STK32A: variants seen among roughly 807,000 people sequenced by gnomAD.
STK32A encodes the protein serine/threonine kinase 32A.
STK32A carries 41 observed loss-of-function variants against 53.2 expected under a neutral mutation model. That is an observed-to-expected ratio of 0.77 (90% confidence interval 0.60 to 1.00). STK32A has a LOEUF of 1.00. Among genes scored for constraint, STK32A ranks in the 50% least tolerant of loss-of-function variants. The pLI, the probability that STK32A is intolerant of heterozygous loss-of-function variation, is 0.00. For missense variants in STK32A, 458 were observed against 485.8 expected (o/e 0.94, Z 0.54); for synonymous variants, 166 against 162.8 (o/e 1.02, Z -0.15).
intron 2 of STK32A, 85 bp downstream of exon 2, chr5:147,239,771 A>C: frequency 9.3e-7 from 1 of 1,076,216 alleles, no homozygotes; most frequent in East Asian, 2.6e-5. Context: ...GTTAAGCATA[A>C]GCATGGTCTG....
chr5:147,329,356 A>G (rs942895833), intron 5 of STK32A, among the ~76,000 whole-genome samples: 1 of 152,188 alleles, frequency 6.6e-6, no homozygotes, highest in Non-Finnish European at 1.5e-5. Flanking sequence ...CAGTACCTTG[A>G]CAGTGAAGAA....
At chr5:147,330,630 G>GC (rs1373169661) in intron 5 of STK32A, among the ~76,000 whole-genome samples, 5 of 152,244 alleles carry the variant, frequency 3.3e-5, no homozygotes, top group Non-Finnish European at 7.3e-5. Flanking sequence ...CAAGGAAGAA[G>GC]TGAGGAGGTT....
At chr5:147,391,218 T>C (rs541235882), downstream of STK32A, 1 of 152,658 alleles carries the variant, frequency 6.6e-6, no homozygotes, top group South Asian at 2.1e-4. Context: ...CAGCCCTTTG[T>C]GGAAACATGA....
At chr5:147,344,549 G>T (rs1197161772) in intron 6 of STK32A, among the ~76,000 whole-genome samples, 1 of 152,186 alleles carries the variant, frequency 6.6e-6, no homozygotes, top group African/African-American at 2.4e-5. Flanking sequence ...GAGGCAGGAG[G>T]ATCGCTTGAG....
At chr5:147,268,069 A>G (rs575405973) in intron 2 of STK32A, among the ~76,000 whole-genome samples, 40 of 152,354 alleles carry the variant, frequency 2.6e-4, no homozygotes, top group Admixed American at 2.3e-3. Context: ...ATCTGAATTT[A>G]AAAACATGTA....
intron 6 of STK32A, chr5:147,348,658 T>A (rs2151992234): frequency 1.3e-6 from 1 of 763,956 alleles, no homozygotes; most frequent in Non-Finnish European, 2.4e-6. Flanking sequence ...TGGCTGCTCA[T>A]CTGAATCACC....
At chr5:147,351,609 G>A (rs1481257959) in intron 7 of STK32A, among the ~76,000 whole-genome samples, 1 of 151,940 alleles carries the variant, frequency 6.6e-6, no homozygotes, top group African/African-American at 2.4e-5. Flanking sequence ...AGCACTTTGG[G>A]AGGCTGAAGT....
intron 10 of STK32A, among the ~76,000 whole-genome samples, chr5:147,374,181 A>G (rs1052506504): frequency 1.1e-4 from 16 of 151,634 alleles, no homozygotes; most frequent in African/African-American, 3.6e-4. Context: ...TCAGCTACCT[A>G]GGAGGCTGAG....
chr5:147,387,479 A>C lies in STK32A; in HGVS notation c.*3496A>C, dbSNP rs1757703675. 6.6e-6 allele frequency: 1 copy of C among 152,278 alleles called. No homozygotes were observed. The highest frequency in any genetic ancestry group is 2.1e-4 in the South Asian group (1 of 4,838). 9.4% of individuals were successfully genotyped at this position (152,278 alleles called of 1,614,324 possible). A position where few individuals can be genotyped will look rare whatever the true frequency, so the allele number is the denominator to read the frequency against. ...GATGGAAGAATAAGTAGGAAGAAAG[A>C]GTATTAATGTAGCTAGTAGGGACCA... On this transcript the variant is annotated 3_prime_UTR_variant, in exon 13 of 13. Transcript: ENST00000397936.
At chr5:147,270,041 G>A (rs909706552) in intron 2 of STK32A, among the ~76,000 whole-genome samples, 1 of 152,076 alleles carries the variant, frequency 6.6e-6, no homozygotes, top group African/African-American at 2.4e-5. Context: ...TTTCAAAAAC[G>A]AAAGCAGCAG....
rs139834325 is a variant in STK32A, at chr5:147,291,595, A to G, written c.260+12197A>G. ...CTATGCCTGAATGAAAAAAATATCT[A>G]TTCCATTGGAAAGTCAACTAAAAAC... is the stretch of plus-strand genomic sequence containing the variant. On this transcript the variant is annotated intron_variant, in intron 4 of 12. Transcript: ENST00000397936. Among the ~76,000 whole-genome samples, 704 of 152,286 alleles carry G rather than the reference A, an allele frequency of 4.6e-3. 5 individuals are homozygous for G. Among genetic ancestry groups the G allele is most frequent in the African/African-American group, 0.014 (601 of 41,556 alleles).
the STK32A span, among the ~76,000 whole-genome samples, chr5:147,398,767 T>C: frequency 6.6e-6 from 1 of 152,142 alleles, no homozygotes; most frequent in South Asian, 2.1e-4. Context: ...ACACCACATC[T>C]AGGGGAAGCT....
At chr5:147,296,597 T>C (rs1325287820) in intron 4 of STK32A, among the ~76,000 whole-genome samples, 3 of 152,162 alleles carry the variant, frequency 2.0e-5, no homozygotes, top group Admixed American at 6.5e-5. Flanking sequence ...TGCCTCTTAG[T>C]GTGCATGCTT....
intron 2 of STK32A, among the ~76,000 whole-genome samples, chr5:147,274,666 T>C (rs909714925): frequency 1.3e-5 from 2 of 152,226 alleles, no homozygotes; most frequent in African/African-American, 4.8e-5. Context: ...TAAGAAGTAA[T>C]AGCACTACTA....
chr5:147,330,073 A>G (rs1471560409), intron 5 of STK32A, among the ~76,000 whole-genome samples: 1 of 152,214 alleles, frequency 6.6e-6, no homozygotes, highest in Non-Finnish European at 1.5e-5. Flanking sequence ...CCCAGTGACC[A>G]GAAAGAACAT....
intron 6 of STK32A, among the ~76,000 whole-genome samples, chr5:147,349,056 AATCACTG>A (rs1319970778): frequency 6.6e-6 from 1 of 152,206 alleles, no homozygotes; most frequent in Non-Finnish European, 1.5e-5. Context: ...AAACTTTGTG[AATCACTG>A]ATCCAACACT....
chr5:147,255,063 C>A (rs911601976), intron 2 of STK32A, among the ~76,000 whole-genome samples: 3 of 152,050 alleles, frequency 2.0e-5, no homozygotes, highest in Non-Finnish European at 4.4e-5. Context: ...TGGCATGAAC[C>A]CAGGAGGCGG....
rs931073820 is a variant in STK32A, at chr5:147,373,069, C to T, written c.778-100C>T. On this transcript the variant is annotated intron_variant, in intron 9 of 12. Transcript: ENST00000397936. ...GGGATAGGGGACACTGTCTATTTTC[C>T]TTCAGTCCTACAGTTGAAAGCATTT... is the stretch of plus-strand genomic sequence containing the variant. 12 of 1,454,718 alleles carry T rather than the reference C, an allele frequency of 8.2e-6. No individual in the cohort carries two copies. In the Admixed American group the frequency reaches 2.2e-4, roughly 26 times the overall value. 90.1% of individuals were successfully genotyped at this position (1,454,718 alleles called of 1,614,324 possible).
chr5:147,367,017 T>G (rs1309355987), intron 8 of STK32A, among the ~76,000 whole-genome samples: 1 of 152,134 alleles, frequency 6.6e-6, no homozygotes, highest in Admixed American at 6.6e-5. Flanking sequence ...TGTTAATTCA[T>G]TAAAGGTAAA....
Sources: allele counts gnomAD v4.1 joint callset (sites outside exome capture counted in the v4.1 genomes callset), GRCh38; gene constraint gnomAD v4.1.1; transcripts MANE v1.5; gene names NCBI Gene and HGNC (gene_info 2026-07-23, HGNC 2026-07-21).